Variants in OSBPL1A observed in about 807,000 individuals in gnomAD.
OSBPL1A encodes the protein oxysterol binding protein like 1A.
Under a neutral mutation model 137.1 loss-of-function variants are expected in OSBPL1A, and 80 were observed. The observed-to-expected ratio is 0.58, with a 90% CI of 0.49 to 0.70. The LOEUF is 0.70. Ranked by LOEUF, OSBPL1A falls within the 30% of genes least tolerant of loss-of-function variation. The pLI, the probability that OSBPL1A is intolerant of heterozygous loss-of-function variation, is 0.00. For missense variants in OSBPL1A, 970 were observed against 1,129.4 expected (o/e 0.86, Z 2.02); for synonymous variants, 365 against 389.7 (o/e 0.94, Z 0.75).
intron 6 of OSBPL1A, 112 bp from the exon 7 acceptor site, chr18:24,333,198 A>G: frequency 3.3e-6 from 4 of 1,205,036 alleles, no homozygotes; most frequent in Non-Finnish European, 2.3e-6. Flanking sequence ...GCTCCTTGGC[A>G]TCCAGGCTGT....
rs937147923 is a variant in OSBPL1A at position 24,271,228 on chromosome 18, G to C, written c.1281+9614C>G. On this transcript the variant is annotated intron_variant, in intron 15 of 27. Transcript: ENST00000319481. This position sits in a 1 kb window ranked among gnomAD's most constrained non-coding sequence, Gnocchi z 4.0. ...TAAGTTCATCTCAATGTCAGCCGGA[G>C]CACAGCCATGCGAAAAATCACTAAC... Among the ~76,000 whole-genome samples, 1 of 152,322 alleles carries C rather than the reference G, an allele frequency of 6.6e-6. No homozygotes were observed. Among genetic ancestry groups the C allele is most frequent in the South Asian group, 2.1e-4 (1 of 4,824 alleles).
intron 15 of OSBPL1A, among the ~76,000 whole-genome samples, chr18:24,256,892 A>C (rs530044153): frequency 6.1e-5 from 9 of 148,090 alleles, no homozygotes; most frequent in South Asian, 2.2e-4. Flanking sequence ...CCTAGGAATT[A>C]AGTTAACCAA....
intron 12 of OSBPL1A, among the ~76,000 whole-genome samples, chr18:24,313,781 G>A (rs2090668909): frequency 6.6e-6 from 1 of 152,156 alleles, no homozygotes; most frequent in South Asian, 2.1e-4. Flanking sequence ...ACTAATTCAT[G>A]TACCAAATTT....
At chr18:24,390,886 G>GCA (rs1907305489) in intron 1 of OSBPL1A, among the ~76,000 whole-genome samples, 2 of 151,720 alleles carry the variant, frequency 1.3e-5, no homozygotes, top group Non-Finnish European at 2.9e-5. Flanking sequence ...GATCACCTAA[G>GCA]GTCAGGAGCT....
intron 13 of OSBPL1A, among the ~76,000 whole-genome samples, chr18:24,305,816 T>C (rs1330161088): frequency 6.6e-6 from 1 of 152,172 alleles, no homozygotes; most frequent in Non-Finnish European, 1.5e-5. Flanking sequence ...ACAAGCCGCA[T>C]AGGATCTGAT....
chr18:24,166,842 C>T (rs1195781828), intron 25 of OSBPL1A, 140 bp from the exon 26 acceptor site: 10 of 867,954 alleles, frequency 1.2e-5, no homozygotes, highest in Admixed American at 9.7e-5. Context: ...TCAGATCACA[C>T]GTATCTAAAT....
intron 1 of OSBPL1A, among the ~76,000 whole-genome samples, chr18:24,382,197 G>A (rs1376372224): frequency 4.1e-5 from 6 of 145,420 alleles, no homozygotes; most frequent in Non-Finnish European, 6.0e-5. Flanking sequence ...TCAGGAGTTC[G>A]AGACCATCCT....
rs1906270826 is a variant in OSBPL1A at position 24,377,459 on chromosome 18, T to C, written c.75A>G (p.Leu25=). The change falls in exon 2 of 28, where the codon TTA becomes TTG. Residue 25 remains leucine (L), a synonymous_variant. Transcript: ENST00000319481. Reference sequence around the variant, plus strand: ...TCACTTCATTCCTCGCCATGGTCTCTAATAGTTGTCTTACTTCTTCAGCAT... The same window carrying C: ...TCACTTCATTCCTCGCCATGGTCTCCAATAGTTGTCTTACTTCTTCAGCAT... ...NGNAEEVRQL[L]ETMARNEVIA... 2 of 1,612,470 alleles carry C rather than the reference T, an allele frequency of 1.2e-6. No individual in the cohort carries two copies. Among genetic ancestry groups the C allele is most frequent in the South Asian group, 1.1e-5 (1 of 90,388 alleles).
chr18:24,245,989 C>T (rs2088869350), intron 15 of OSBPL1A, among the ~76,000 whole-genome samples: 1 of 152,070 alleles, frequency 6.6e-6, no homozygotes, highest in Non-Finnish European at 1.5e-5. Flanking sequence ...GCAGGTGGAT[C>T]ACCCGAGGTC....
At chr18:24,361,389 C>A (rs546147010) in intron 4 of OSBPL1A, among the ~76,000 whole-genome samples, 1 of 152,188 alleles carries the variant, frequency 6.6e-6, no homozygotes, top group East Asian at 1.9e-4. Context: ...TATGCATTGG[C>A]CTATGGTGAA....
chr18:24,337,831 G>A (rs1368722710), intron 5 of OSBPL1A, among the ~76,000 whole-genome samples: 1 of 151,506 alleles, frequency 6.6e-6, no homozygotes. Context: ...TTTTGATTAT[G>A]TAAGAAAATA....
In OSBPL1A at chr18:24,336,243, C is replaced by T. The variant is rs28558956; in HGVS notation, c.395-1913G>A. 3.0e-3 allele frequency among the ~76,000 whole-genome samples: 458 copies of T among 152,236 alleles called. 1 individual carries two copies. The highest frequency in any genetic ancestry group is 0.01 in the African/African-American group (426 of 41,548). The stretch of plus-strand genomic sequence containing the variant: ...ATACGTGTTGAATATTCAAATAATG[C>T]TTAATGTTTGTCCCAGGTTTTAGGG... On this transcript the variant is annotated intron_variant, in intron 5 of 27. Coordinates refer to ENST00000319481, the MANE Select transcript of OSBPL1A (RefSeq NM_080597.4).
At chr18:24,345,681 A>C (rs1312003051) in intron 4 of OSBPL1A, among the ~76,000 whole-genome samples, 3 of 151,894 alleles carry the variant, frequency 2.0e-5, no homozygotes, top group African/African-American at 7.3e-5. Context: ...GCGAGACTCC[A>C]TCTCAAAAAA....
At chr18:24,348,651 A>G (rs929697029) in intron 4 of OSBPL1A, among the ~76,000 whole-genome samples, 2 of 151,878 alleles carry the variant, frequency 1.3e-5, no homozygotes, top group Non-Finnish European at 2.9e-5. Context: ...ATGCGCACCT[A>G]TAATCCCAGC....
chr18:24,196,543 G>A (rs1198065714), intron 17 of OSBPL1A, among the ~76,000 whole-genome samples: 1 of 152,124 alleles, frequency 6.6e-6, no homozygotes, highest in Non-Finnish European at 1.5e-5. Flanking sequence ...TTGGATTTAT[G>A]GCACACCTAC....
At chr18:24,258,841 A>C (rs2146038262) in intron 15 of OSBPL1A, among the ~76,000 whole-genome samples, 2 of 151,968 alleles carry the variant, frequency 1.3e-5, no homozygotes, top group South Asian at 4.1e-4. Context: ...AAATCTGTGT[A>C]AGCTATATAA....
chr18:24,210,790 C>T (rs1225804158), intron 17 of OSBPL1A, among the ~76,000 whole-genome samples: 6 of 152,128 alleles, frequency 3.9e-5, no homozygotes, highest in Admixed American at 2.6e-4. Context: ...CCCACCTTGG[C>T]CTCCCAAAGT....
At position 24,196,223 on chromosome 18, in the gene OSBPL1A, T is replaced by C. The variant is rs750718714; in HGVS notation, c.1602-23A>G. On this transcript the variant is annotated intron_variant, in intron 17 of 27. Coordinates refer to ENST00000319481, the MANE Select transcript of OSBPL1A (RefSeq NM_080597.4). ...GTTCTGAAAAAAGAAAAGAAAAACA[T>C]AAAGTTCATTCTAATGCCATTGTCA... 4.5e-6 allele frequency: 7 copies of C among 1,539,564 alleles called. 1 individual carries two copies. The highest frequency in any genetic ancestry group is 2.3e-5 in the South Asian group (2 of 88,760).
At chr18:24,390,993 G>T (rs763936931) in intron 1 of OSBPL1A, among the ~76,000 whole-genome samples, 1 of 152,068 alleles carries the variant, frequency 6.6e-6, no homozygotes, top group Non-Finnish European at 1.5e-5. Flanking sequence ...CCAGCTACTG[G>T]GGAGACTGAA....
Sources: gnomAD v4.1 joint callset for allele counts (sites outside exome capture counted in the v4.1 genomes callset) on GRCh38, gnomAD v4.1.1 for gene constraint, Gnocchi (gnomAD v3.1) non-coding constraint, MANE v1.5 for transcripts, NCBI Gene and HGNC (gene_info 2026-07-23, HGNC 2026-07-21) for gene names.